Variants in FTO observed in about 807,000 individuals in gnomAD.
The protein encoded by FTO is FTO alpha-ketoglutarate dependent dioxygenase.
A neutral mutation model predicts 63.9 loss-of-function variants in FTO; 47 were observed. The observed-to-expected ratio is 0.74, with a 90% CI of 0.58 to 0.94. The LOEUF is 0.94. Ranked by LOEUF, FTO falls within the 40% of genes least tolerant of loss-of-function variation. The probability of loss-of-function intolerance (pLI) is 0.00; values close to 1 mark genes in which losing one functional copy is unlikely to be tolerated. For missense variants in FTO, 562 were observed against 618.1 expected (o/e 0.91, Z 0.96); for synonymous variants, 207 against 224.4 (o/e 0.92, Z 0.69).
rs193036305 is a variant in FTO, at chr16:53,920,143, T to C, written c.1240-13842T>C. Among the ~76,000 whole-genome samples, 564 of 152,306 alleles carry C rather than the reference T, an allele frequency of 3.7e-3. 32 individuals are homozygous for C. Among genetic ancestry groups the C allele is most frequent in the Admixed American group, 0.036 (556 of 15,296 alleles). On this transcript the variant is annotated intron_variant, in intron 7 of 8. Transcript: ENST00000471389. The stretch of plus-strand genomic sequence containing the variant: ...CAAAATTCTAGGGAGAAAAAGGAGC[T>C]AACACTTACAGACTGGCTGCCATGT...
chr16:54,051,608 A>G (rs569494221), intron 8 of FTO, among the ~76,000 whole-genome samples: 1 of 152,160 alleles, frequency 6.6e-6, no homozygotes, highest in Admixed American at 6.5e-5. Flanking sequence ...CTGAGGACCC[A>G]TTTCTGAGAT....
At chr16:53,762,067 A>G (rs958592416) in intron 1 of FTO, among the ~76,000 whole-genome samples, 1 of 152,228 alleles carries the variant, frequency 6.6e-6, no homozygotes, top group African/African-American at 2.4e-5. Context: ...TATTATATTT[A>G]GAAAGAGAAG....
chr16:53,931,178 G>A (rs77673765), intron 7 of FTO, among the ~76,000 whole-genome samples: 3,348 of 152,092 alleles, frequency 0.022, 62 homozygotes, highest in Middle Eastern at 0.048. Context: ...ATTCACAGGG[G>A]GGAAAAATTT....
Position 53,760,009 on chromosome 16 carries a change from T to A in FTO, c.46-50131T>A, listed in dbSNP as rs544044527. Among the ~76,000 whole-genome samples the A allele has an allele frequency of 2.6e-4, 40 of 152,188 alleles. No individual in the cohort carries two copies. The South Asian group carries it at 5.4e-3, about 20-fold the overall frequency. The stretch of plus-strand genomic sequence containing the variant: ...TGGCTGTTGGGATTGAGAGAAAGAA[T>A]CTAGGGTCTAACCTCTGCTCTTGAC... On this transcript the variant is annotated intron_variant, in intron 1 of 8. Transcript: ENST00000471389.
intron 8 of FTO, among the ~76,000 whole-genome samples, chr16:54,110,410 A>G (rs2086856576): frequency 6.6e-6 from 1 of 152,192 alleles, no homozygotes; most frequent in Admixed American, 6.5e-5. Flanking sequence ...AGTGCATGTT[A>G]ACAGACGCTA....
At chr16:53,887,379 G>T (rs2081027859) in intron 6 of FTO, among the ~76,000 whole-genome samples, 2 of 152,072 alleles carry the variant, frequency 1.3e-5, no homozygotes, top group Non-Finnish European at 2.9e-5. Context: ...GGGCTGATTG[G>T]CTTAGACCTG....
intron 8 of FTO, among the ~76,000 whole-genome samples, chr16:54,059,250 A>G (rs1158181360): frequency 6.6e-6 from 1 of 152,224 alleles, no homozygotes; most frequent in Non-Finnish European, 1.5e-5. Flanking sequence ...TTAAGGAGCC[A>G]TTGCATTTCC....
At chr16:53,949,719 G>A (rs1162344181) in intron 8 of FTO, among the ~76,000 whole-genome samples, 1 of 150,466 alleles carries the variant, frequency 6.6e-6, no homozygotes, top group African/African-American at 2.4e-5. Context: ...AAAAAACCCA[G>A]TGAGACTTTA....
rs947310686 is a variant in FTO, at chr16:53,877,548, A to G, written c.976-2296A>G. 3.3e-5 allele frequency among the ~76,000 whole-genome samples: 5 copies of G among 152,198 alleles called. 1 individual carries two copies. Among genetic ancestry groups the G allele is most frequent in the Non-Finnish European group, 7.3e-5 (5 of 68,036 alleles). ...CCTAGGGTTGGAAATGTTGGTAGAA[A>G]TCAGTTGGGGTTGGGGGTGACTGCC... On this transcript the variant is annotated intron_variant, in intron 5 of 8. Coordinates refer to ENST00000471389, the MANE Select transcript of FTO (RefSeq NM_001080432.3).
In FTO at chr16:53,921,148, A is replaced by T. The variant is rs551959017; in HGVS notation, c.1240-12837A>T. 1.4e-3 allele frequency among the ~76,000 whole-genome samples: 213 copies of T among 152,366 alleles called. 1 individual carries two copies. The highest frequency in any genetic ancestry group is 2.7e-3 in the Non-Finnish European group (181 of 68,038). On this transcript the variant is annotated intron_variant, in intron 7 of 8. Transcript: ENST00000471389. ...TCCTGCATTCACAATGTTTCCAAAC[A>T]TATTCACTTGTCTCACTTGTTAGGG...
chr16:54,102,180 C>T (rs1022947867), intron 8 of FTO, among the ~76,000 whole-genome samples: 1 of 152,128 alleles, frequency 6.6e-6, no homozygotes, highest in African/African-American at 2.4e-5. Flanking sequence ...TCCTACTTAT[C>T]AACTTTTGCT....
chr16:53,709,647 A>G (rs768984105), intron 1 of FTO, among the ~76,000 whole-genome samples: 2 of 152,118 alleles, frequency 1.3e-5, no homozygotes, highest in Non-Finnish European at 2.9e-5. Flanking sequence ...ATTATTTTGA[A>G]ATGATTTAAA....
intron 7 of FTO, among the ~76,000 whole-genome samples, chr16:53,911,032 C>T (rs2081681617): frequency 6.6e-6 from 1 of 152,228 alleles, no homozygotes; most frequent in South Asian, 2.1e-4. Flanking sequence ...TACCGAACAT[C>T]TCAGAAGAGC....
intron 1 of FTO, among the ~76,000 whole-genome samples, chr16:53,710,556 C>T (rs763455464): frequency 2.0e-5 from 3 of 152,122 alleles, no homozygotes; most frequent in East Asian, 1.9e-4. Flanking sequence ...AGCCACCGTG[C>T]GCAGCCCAGA....
At chr16:53,973,205 C>T (rs2083368967) in intron 8 of FTO, among the ~76,000 whole-genome samples, 1 of 152,158 alleles carries the variant, frequency 6.6e-6, no homozygotes, top group Non-Finnish European at 1.5e-5. Context: ...CTGCTGGGCT[C>T]CCGCCATTTC....
intron 7 of FTO, among the ~76,000 whole-genome samples, chr16:53,932,322 T>C (rs2082303371): frequency 6.6e-6 from 1 of 151,950 alleles, no homozygotes; most frequent in Admixed American, 6.6e-5. Context: ...ACAATGGAGG[T>C]ACTATTTTCT....
In FTO at chr16:53,888,893, A is replaced by G. The variant is rs1441842690; in HGVS notation, c.1181A>G (p.Asp394Gly). The G allele has an allele frequency of 6.2e-7, 1 of 1,613,982 alleles. No homozygotes were observed. Among genetic ancestry groups the G allele is most frequent in the African/African-American group, 1.3e-5 (1 of 75,042 alleles). ...GGCAATCGATACAGAAAGTGCACTG[A>G]CTGGTGGTGTCAACCCATGGCTCAA... ...FQGNRYRKCT[D>G]WWCQPMAQLE... The change falls in exon 7 of 9, where the codon GAC (aspartate) becomes GGC (glycine). Residue 394 changes from aspartate to glycine, a missense_variant. Transcript: ENST00000471389.
At chr16:54,044,249 A>G (rs2085135445) in intron 8 of FTO, among the ~76,000 whole-genome samples, 1 of 65,364 alleles carries the variant, frequency 1.5e-5, no homozygotes, top group Non-Finnish European at 2.4e-5. Context: ...CTCAAAATAA[A>G]AGGATGGAGG....
chr16:53,965,158 C>A (rs571249500), intron 8 of FTO, among the ~76,000 whole-genome samples: 1 of 152,290 alleles, frequency 6.6e-6, no homozygotes, highest in Non-Finnish European at 1.5e-5. Context: ...ACTGCAACCT[C>A]CGCCTCCTGG....
Sources: allele counts gnomAD v4.1 joint callset (sites outside exome capture counted in the v4.1 genomes callset), GRCh38; gene constraint gnomAD v4.1.1; transcripts MANE v1.5; gene names NCBI Gene and HGNC (gene_info 2026-07-23, HGNC 2026-07-21).